Variants in LRCH3 observed in about 807,000 individuals in gnomAD.
The protein encoded by LRCH3 is leucine rich repeats and calponin homology domain containing 3, also known as DISP complex protein LRCH3.
A neutral mutation model predicts 104.5 loss-of-function variants in LRCH3; 68 were observed. The observed-to-expected ratio is 0.65, with a 90% CI of 0.54 to 0.80. The LOEUF (loss-of-function observed/expected upper bound fraction) is 0.80, where lower values mean the gene tolerates loss of function less well. Among genes scored for constraint, LRCH3 ranks in the 30% least tolerant of loss-of-function variants. LRCH3 has a pLI of 0.00. For synonymous variants in LRCH3, 344 were observed against 361.3 expected (o/e 0.95, Z 0.54); for missense variants, 951 against 953.9 (o/e 1.00, Z 0.04).
At chr3:197,818,621 C>T (rs1734125422) in intron 3 of LRCH3, among the ~76,000 whole-genome samples, 2 of 152,186 alleles carry the variant, frequency 1.3e-5, no homozygotes, top group South Asian at 4.1e-4. Flanking sequence ...GTATGTTTAT[C>T]AGCATCTCTT....
At position 197,815,148 on chromosome 3, in the gene LRCH3, T is replaced by A. The variant is rs1192544865; in HGVS notation, c.407+96T>A. 1.3e-5 allele frequency: 9 copies of A among 675,520 alleles called. No individual in the cohort carries two copies. In the East Asian group the frequency reaches 2.8e-4, roughly 21 times the overall value. 41.8% of individuals were successfully genotyped at this position (675,520 alleles called of 1,614,324 possible). On this transcript the variant is annotated intron_variant, in intron 2 of 20. Transcript: ENST00000425562. ...AATATTTACCTATATATATGCTATC[T>A]ATTCATATCAGCAGTTTCTGTATGT...
chr3:197,832,290 G>T lies in LRCH3; in HGVS notation c.1075G>T (p.Gly359Cys). 6.2e-7 allele frequency: 1 copy of T among 1,613,638 alleles called. No individual in the cohort carries two copies. Among genetic ancestry groups the T allele is most frequent in the Non-Finnish European group, 8.5e-7 (1 of 1,179,680 alleles). The stretch of plus-strand genomic sequence containing the variant: ...AGAAAGCCAGTACCAAGAGAACCGC[G>T]GCAGTTTGGTAGTAACAAACGGCGG... Reference protein sequence around the residue: ...RRESQYQENRGSLVVTNGGVE... With the variant: ...RRESQYQENRCSLVVTNGGVE... Residue 359 changes from glycine to cysteine, a missense_variant, in exon 8 of 21, where the codon GGC becomes TGC. By Grantham distance (159) the Gly-to-Cys change is radical (BLOSUM62 -3). Transcript: ENST00000425562.
rs1296225435 is a variant in LRCH3 at position 197,830,892 on chromosome 3, T to G, written c.981+29T>G. On this transcript the variant is annotated intron_variant, in intron 7 of 20. Coordinates refer to ENST00000425562, the MANE Select transcript of LRCH3 (RefSeq NM_001365715.1). ...AGTGTTTTTTATGTTCCGTGTGTTA[T>G]AACACCTGATTAAGAGAAAACAGAA... The G allele has an allele frequency of 2.0e-6, 3 of 1,485,588 alleles. No individual in the cohort carries two copies. In the East Asian group the frequency reaches 6.8e-5, roughly 34 times the overall value. The allele number at this position is 1,485,588 out of a possible 1,614,324, so 92.0% of individuals were successfully genotyped here. A position where few individuals can be genotyped will look rare whatever the true frequency, so the allele number is the denominator to read the frequency against.
chr3:197,869,829 G>C (rs1356250797), intron 17 of LRCH3, among the ~76,000 whole-genome samples: 1 of 145,838 alleles, frequency 6.9e-6, no homozygotes, highest in Non-Finnish European at 1.5e-5. Context: ...GCGATGCACT[G>C]TACCTGCAGG....
At chr3:197,792,013 C>T (rs1038674737) in intron 1 of LRCH3, among the ~76,000 whole-genome samples, 1 of 151,516 alleles carries the variant, frequency 6.6e-6, no homozygotes, top group South Asian at 2.1e-4. Flanking sequence ...TGTTGGGGAG[C>T]GTGTGTTTAA....
chr3:197,874,466 C>T lies in LRCH3; in HGVS notation c.2131-1232C>T, dbSNP rs367861012. ...GACTGTCTAGTTGCAGGTAAACAAG[C>T]TCAGGGCTCCCACTGACTCTACATT... On this transcript the variant is annotated intron_variant, in intron 19 of 20. Coordinates refer to ENST00000425562, the MANE Select transcript of LRCH3 (RefSeq NM_001365715.1). Among the ~76,000 whole-genome samples, 16 of 152,296 alleles carry T rather than the reference C, an allele frequency of 1.1e-4. No homozygotes were observed. In the East Asian group the frequency reaches 2.3e-3, roughly 22 times the overall value.
intron 4 of LRCH3, among the ~76,000 whole-genome samples, chr3:197,825,783 T>A (rs1735135684): frequency 6.6e-6 from 1 of 152,034 alleles, no homozygotes; most frequent in Non-Finnish European, 1.5e-5. Context: ...CCAGCTGATT[T>A]TTCTTATATT....
chr3:197,828,567 A>T (rs947991619), intron 5 of LRCH3, among the ~76,000 whole-genome samples: 3 of 150,190 alleles, frequency 2.0e-5, no homozygotes, highest in Non-Finnish European at 4.4e-5. Flanking sequence ...GAATGGTCTC[A>T]ATCTCCTGAC....
In LRCH3 at chr3:197,883,133, GTATC is replaced by G; in HGVS notation, c.2209-406_2209-403del. The G allele has an allele frequency of 1.0e-6, 1 of 987,086 alleles. No individual in the cohort carries two copies. Among genetic ancestry groups the G allele is most frequent in the Non-Finnish European group, 1.2e-6 (1 of 831,060 alleles). The allele number at this position is 987,086 out of a possible 1,614,324, so 61.1% of individuals were successfully genotyped here. ...GGTAGGGAACTTACCCTCAAGTGTA[GTATC>G]TTTTACTCTTGAGCCATCTGGTAGC... On this transcript the variant is annotated intron_variant, in intron 20 of 20. Transcript: ENST00000425562. This position sits in a 1 kb window ranked among gnomAD's most constrained non-coding sequence, Gnocchi z 4.2.
chr3:197,811,160 A>G (rs1733077503), intron 1 of LRCH3, among the ~76,000 whole-genome samples: 1 of 152,174 alleles, frequency 6.6e-6, no homozygotes, highest in African/African-American at 2.4e-5. Flanking sequence ...TGGTGTTTAA[A>G]CTTTGGTCTG....
chr3:197,844,495 A>T (rs1485338571), intron 10 of LRCH3, among the ~76,000 whole-genome samples: 1 of 151,958 alleles, frequency 6.6e-6, no homozygotes, highest in African/African-American at 2.4e-5. Context: ...TGGACTCAAG[A>T]TCCTCCCGCC....
Position 197,883,710 on chromosome 3 carries a change from C to A in LRCH3, c.*44C>A. ...GCACTGGCCTGGCCAAAACAAGGAA[C>A]AGGACACCGTGATTGCTGCTGCCAG... On this transcript the variant is annotated 3_prime_UTR_variant, in exon 21 of 21. Coordinates refer to ENST00000425562, the MANE Select transcript of LRCH3 (RefSeq NM_001365715.1). This position sits in a 1 kb window ranked among gnomAD's most constrained non-coding sequence, Gnocchi z 4.2. 6.6e-7 allele frequency: 1 copy of A among 1,514,764 alleles called. No homozygotes were observed. The highest frequency in any genetic ancestry group is 8.8e-7 in the Non-Finnish European group (1 of 1,135,438). 93.8% of individuals were successfully genotyped at this position (1,514,764 alleles called of 1,614,324 possible).
intron 17 of LRCH3, among the ~76,000 whole-genome samples, chr3:197,867,812 A>G (rs148288868): frequency 0.11 from 16,610 of 151,910 alleles, 938 homozygotes; most frequent in African/African-American, 0.13. Context: ...CCGAGATCGC[A>G]CCACCGCACT....
At chr3:197,801,776 A>G (rs1731925766) in intron 1 of LRCH3, among the ~76,000 whole-genome samples, 1 of 152,168 alleles carries the variant, frequency 6.6e-6, no homozygotes, top group Non-Finnish European at 1.5e-5. Flanking sequence ...GCATCCATTT[A>G]CTATAGTTCT....
chr3:197,794,318 T>C (rs1730953404), intron 1 of LRCH3, among the ~76,000 whole-genome samples: 1 of 152,212 alleles, frequency 6.6e-6, no homozygotes, highest in South Asian at 2.1e-4. Context: ...AAACCAGCAT[T>C]TAGAGATGTT....
intron 1 of LRCH3, among the ~76,000 whole-genome samples, chr3:197,792,577 T>TTATATATATATGTATATATATATA (rs1553912027): frequency 4.9e-5 from 1 of 20,330 alleles, no homozygotes; most frequent in African/African-American, 1.2e-4. Context: ...CCAGCTAATT[T>TTATATATATATGTATATATATATA]TATATATATA....
At chr3:197,860,669 A>T (rs1415182388) in intron 15 of LRCH3, among the ~76,000 whole-genome samples, 3 of 151,900 alleles carry the variant, frequency 2.0e-5, no homozygotes, top group Admixed American at 2.0e-4. Context: ...AGGTATTTTG[A>T]TATAGGTATA....
chr3:197,801,655 A>AC (rs1297765730), intron 1 of LRCH3, among the ~76,000 whole-genome samples: 1 of 152,130 alleles, frequency 6.6e-6, no homozygotes, highest in Admixed American at 6.6e-5. Context: ...TTTTATTGTC[A>AC]CAGTAAACAA....
intron 5 of LRCH3, among the ~76,000 whole-genome samples, chr3:197,827,727 A>T (rs1735391840): frequency 6.6e-6 from 1 of 151,962 alleles, no homozygotes; most frequent in Admixed American, 6.6e-5. Flanking sequence ...TTTTTCTTGT[A>T]AAATTTTAGT....
Sources: allele counts gnomAD v4.1 joint callset (sites outside exome capture counted in the v4.1 genomes callset), GRCh38; gene constraint gnomAD v4.1.1; non-coding constraint Gnocchi (gnomAD v3.1); transcripts MANE v1.5; gene names NCBI Gene and HGNC (gene_info 2026-07-23, HGNC 2026-07-21).